Variants in ZHX2 observed in about 807,000 individuals in gnomAD.
The protein encoded by ZHX2 is zinc fingers and homeoboxes 2, also known as zinc fingers and homeoboxes protein 2.
A neutral mutation model predicts 21.9 loss-of-function variants in ZHX2; 6 were observed. That is an observed-to-expected ratio of 0.27 (90% CI 0.15 to 0.54). ZHX2 has a LOEUF of 0.54. ZHX2 is among the 20% of genes least tolerant of loss of function. ZHX2 has a pLI of 0.95. For synonymous variants in ZHX2, 434 were observed against 437.1 expected (o/e 0.99, Z 0.09); for missense variants, 908 against 1,090.7 (o/e 0.83, Z 2.36).
chr8:122,806,182 G>A (rs1817819608), intron 1 of ZHX2, among the ~76,000 whole-genome samples: 1 of 152,202 alleles, frequency 6.6e-6, no homozygotes, highest in East Asian at 1.9e-4. Flanking sequence ...ATTAAAGTAA[G>A]GCCTGGGAAT....
intron 1 of ZHX2, among the ~76,000 whole-genome samples, chr8:122,848,631 C>G (rs1394348080): frequency 6.6e-6 from 1 of 152,170 alleles, no homozygotes; most frequent in African/African-American, 2.4e-5. Flanking sequence ...AAGATTTGAC[C>G]AGGCAGGGGG....
At position 122,944,789 on chromosome 8, in the gene ZHX2, G is replaced by A. The variant is rs143726487; in HGVS notation, c.-219-6503G>A. ...GTGCCCTGCCCAACAGTTGTAGGAT[G>A]CATTATGCTCCCCTAAAATCCATAT... On this transcript the variant is annotated intron_variant, in intron 2 of 3. Transcript: ENST00000314393. Among the ~76,000 whole-genome samples the A allele has an allele frequency of 8.5e-5, 13 of 152,326 alleles. No homozygotes were observed. The East Asian group carries it at 2.1e-3, about 25-fold the overall frequency.
chr8:122,912,924 G>A (rs893175962), intron 2 of ZHX2, among the ~76,000 whole-genome samples: 1 of 152,068 alleles, frequency 6.6e-6, no homozygotes, highest in Non-Finnish European at 1.5e-5. Context: ...AAGGTTTACC[G>A]TTCAGTGGTT....
chr8:122,813,734 A>T (rs186204548), intron 1 of ZHX2, among the ~76,000 whole-genome samples: 2 of 152,316 alleles, frequency 1.3e-5, no homozygotes, highest in Admixed American at 6.5e-5. Flanking sequence ...CAAAAAATGG[A>T]ATGCTCCACT....
chr8:122,882,047 C>G (rs577634415), intron 2 of ZHX2, among the ~76,000 whole-genome samples: 1 of 152,192 alleles, frequency 6.6e-6, no homozygotes, highest in African/African-American at 2.4e-5. Flanking sequence ...CCATGTCCCC[C>G]CTCCTCGAAA....
rs552610635 is a variant in ZHX2, at chr8:122,842,670, T to C, written c.-282-20807T>C. On this transcript the variant is annotated intron_variant, in intron 1 of 3. Coordinates refer to ENST00000314393, the MANE Select transcript of ZHX2 (RefSeq NM_014943.5). ...GGCAAGTGAGCCGAGATTGCACCAC[T>C]GCACTCCAGCCTGGGTGACAGAGCG... 3.3e-5 allele frequency among the ~76,000 whole-genome samples: 5 copies of C among 152,030 alleles called. No individual in the cohort carries two copies. The East Asian group carries it at 9.7e-4, about 29-fold the overall frequency.
At chr8:122,964,096 C>T (rs1258667871) in intron 3 of ZHX2, among the ~76,000 whole-genome samples, 18 of 152,064 alleles carry the variant, frequency 1.2e-4, no homozygotes, top group Admixed American at 1.2e-3. Context: ...AGTCAGCAAA[C>T]AGCAACAGTC....
chr8:122,933,290 C>A (rs1812586254), intron 2 of ZHX2, among the ~76,000 whole-genome samples: 1 of 152,188 alleles, frequency 6.6e-6, no homozygotes, highest in Admixed American at 6.5e-5. Context: ...TCCCTGTAGT[C>A]TCGCAGCCTC....
At chr8:122,800,678 A>G (rs1171105717) in intron 1 of ZHX2, among the ~76,000 whole-genome samples, 2 of 152,232 alleles carry the variant, frequency 1.3e-5, no homozygotes, top group Non-Finnish European at 2.9e-5. Flanking sequence ...CCCTAAATTC[A>G]GGTTAACAGT....
intron 1 of ZHX2, among the ~76,000 whole-genome samples, chr8:122,817,596 A>G (rs1818063137): frequency 6.6e-6 from 1 of 152,232 alleles, no homozygotes; most frequent in Non-Finnish European, 1.5e-5. Flanking sequence ...TGGCTGCACT[A>G]TGAACCTTGG....
chr8:122,792,417 C>T (rs1456351176), intron 1 of ZHX2, among the ~76,000 whole-genome samples: 1 of 152,192 alleles, frequency 6.6e-6, no homozygotes, highest in Non-Finnish European at 1.5e-5. Flanking sequence ...GATTATGATG[C>T]TGCTGCTGTG....
In ZHX2 at chr8:122,801,700, A is replaced by G. The variant is rs145981160; in HGVS notation, c.-283+19754A>G. On this transcript the variant is annotated intron_variant, in intron 1 of 3. Transcript: ENST00000314393. ...TGGGAGGTAAAGGCTGCAGTGAACCATGATTGCACCGCTGCAGCTCCAGCC... is the reference window on the plus strand; with the variant it reads ...TGGGAGGTAAAGGCTGCAGTGAACCGTGATTGCACCGCTGCAGCTCCAGCC... Among the ~76,000 whole-genome samples, 1,077 of 152,228 alleles carry G rather than the reference A, an allele frequency of 7.1e-3. 11 individuals are homozygous for G. The highest frequency in any genetic ancestry group is 0.011 in the Non-Finnish European group (756 of 68,020).
At chr8:122,796,033 T>C (rs370776422) in intron 1 of ZHX2, among the ~76,000 whole-genome samples, 1 of 152,062 alleles carries the variant, frequency 6.6e-6, no homozygotes, top group Non-Finnish European at 1.5e-5. Context: ...TAGCTGGGCA[T>C]GGTGGCAGGC....
intron 1 of ZHX2, among the ~76,000 whole-genome samples, chr8:122,788,666 C>T (rs1162844435): frequency 6.6e-6 from 1 of 152,218 alleles, no homozygotes; most frequent in Non-Finnish European, 1.5e-5. Context: ...AGAATTCAAA[C>T]TCAGCTCAGT....
At chr8:122,817,164 C>T (rs761170479) in intron 1 of ZHX2, among the ~76,000 whole-genome samples, 8 of 152,198 alleles carry the variant, frequency 5.3e-5, no homozygotes, top group Non-Finnish European at 8.8e-5. Flanking sequence ...AACTGCATGC[C>T]TGGGCTAAAG....
intron 2 of ZHX2, among the ~76,000 whole-genome samples, chr8:122,869,196 G>A (rs1819372165): frequency 6.6e-6 from 1 of 152,142 alleles, no homozygotes; most frequent in African/African-American, 2.4e-5. Context: ...TCCTTCCCAG[G>A]AGAAAGGGTG....
chr8:122,831,899 A>G (rs1177606450), intron 1 of ZHX2, among the ~76,000 whole-genome samples: 1 of 152,142 alleles, frequency 6.6e-6, no homozygotes, highest in Non-Finnish European at 1.5e-5. Flanking sequence ...GAGGGCGATG[A>G]GTTCAGCTTC....
chr8:122,908,502 G>A (rs983963964), intron 2 of ZHX2, among the ~76,000 whole-genome samples: 2 of 152,176 alleles, frequency 1.3e-5, no homozygotes, highest in African/African-American at 4.8e-5. Flanking sequence ...GAGCCACTGT[G>A]CCTGGCCTAA....
rs183159025 is a variant in ZHX2 at position 122,846,895 on chromosome 8, C to T, written c.-282-16582C>T. Reference sequence around the variant, plus strand: ...AAGGTAAGATAAATGGTGTGTTTAGCTCTATTTGAGAGGCCAAGGAACGTA... The same window carrying T: ...AAGGTAAGATAAATGGTGTGTTTAGTTCTATTTGAGAGGCCAAGGAACGTA... On this transcript the variant is annotated intron_variant, in intron 1 of 3. Transcript: ENST00000314393. 5.4e-3 allele frequency among the ~76,000 whole-genome samples: 826 copies of T among 152,208 alleles called. 4 individuals carry two copies. The highest frequency in any genetic ancestry group is 7.5e-3 in the Non-Finnish European group (507 of 68,014).
Sources: allele counts gnomAD v4.1 joint callset (sites outside exome capture counted in the v4.1 genomes callset), GRCh38; gene constraint gnomAD v4.1.1; transcripts MANE v1.5; gene names NCBI Gene and HGNC (gene_info 2026-07-23, HGNC 2026-07-21).